Variants in ZNF155 observed in about 807,000 individuals in gnomAD.
The protein encoded by ZNF155 is KRAB A domain.
ZNF155 carries 15 observed loss-of-function variants against 11.9 expected under a neutral mutation model. That is an observed-to-expected ratio of 1.26 (90% CI 0.84 to 1.94). The LOEUF (loss-of-function observed/expected upper bound fraction) is 1.94. Among genes scored for constraint, ZNF155 ranks in the 30% most tolerant of loss-of-function variants. The pLI is 0.00. For missense variants in ZNF155, 602 were observed against 639.1 expected (o/e 0.94, Z 0.63); for synonymous variants, 212 against 219.9 (o/e 0.96, Z 0.32).
intron 2 of ZNF155, chr19:43,990,084 T>C (rs951357148): frequency 5.4e-5 from 83 of 1,523,936 alleles, no homozygotes; most frequent in Non-Finnish European, 7.2e-5. Flanking sequence ...AGAAGCAAAG[T>C]ACTTGTATTC....
rs1299666413 is a variant in ZNF155 at position 43,996,883 on chromosome 19, A to C, written c.1026A>C (p.Lys342Asn). Residue 342 changes from lysine (K) to asparagine (N), a missense_variant, in exon 5 of 5, where the codon AAA (lysine) becomes AAC (asparagine). Coordinates refer to ENST00000270014, the MANE Select transcript of ZNF155 (RefSeq NM_198089.3). ...NRHCMVHTGEKPYRCEQCGKG... is the reference protein window; with the variant it reads ...NRHCMVHTGENPYRCEQCGKG... ...ATTGCATGGTCCACACAGGAGAGAA[A>C]CCGTACAGATGTGAGCAGTGTGGAA... The C allele has an allele frequency of 6.2e-7, 1 of 1,614,158 alleles. No individual in the cohort carries two copies. Among genetic ancestry groups the C allele is most frequent in the South Asian group, 1.1e-5 (1 of 91,080 alleles).
intron 1 of ZNF155, 129 bp from the exon 2 acceptor site, chr19:43,988,330 A>T: frequency 2.4e-6 from 1 of 421,036 alleles, no homozygotes. Context: ...GTATGGATAC[A>T]CCACCATTTG....
At chr19:43,986,757 TATC>T (rs1460654411) in intron 1 of ZNF155, among the ~76,000 whole-genome samples, 1 of 152,198 alleles carries the variant, frequency 6.6e-6, no homozygotes, top group Non-Finnish European at 1.5e-5. Context: ...CCCCCATTGT[TATC>T]ATCCTTATGA....
In ZNF155 at chr19:43,996,993, A is replaced by G. The variant is rs2302411; in HGVS notation, c.1136A>G (p.Lys379Arg). 2,361 of 1,614,224 alleles carry G rather than the reference A, an allele frequency of 1.5e-3. 29 individuals carry two copies. The Admixed American group carries it at 0.027, about 19-fold the overall frequency. The change falls in exon 5 of 5, where the codon AAG becomes AGG. Residue 379 changes from lysine (K) to arginine (R), a missense_variant. Coordinates refer to ENST00000270014, the MANE Select transcript of ZNF155 (RefSeq NM_198089.3). ...CCATATAATTGTAAAGAATGTGGGA[A>G]GAGCTTCAGATGGTCCTCATGCCTT... ...EKPYNCKECG[K>R]SFRWSSCLLN...
intron 4 of ZNF155, among the ~76,000 whole-genome samples, chr19:43,994,345 T>A (rs1975761275): frequency 6.6e-6 from 1 of 152,230 alleles, no homozygotes; most frequent in Non-Finnish European, 1.5e-5. Flanking sequence ...TTACATATGC[T>A]GTGCAAAATT....
intron 4 of ZNF155, among the ~76,000 whole-genome samples, chr19:43,993,115 T>G (rs1302844369): frequency 6.6e-6 from 1 of 152,216 alleles, no homozygotes. Flanking sequence ...CCCAGCTTCC[T>G]CCTTCGTACT....
intron 2 of ZNF155, among the ~76,000 whole-genome samples, chr19:43,989,135 T>C (rs148418581): frequency 5.9e-5 from 9 of 152,358 alleles, no homozygotes; most frequent in South Asian, 2.1e-4. Context: ...TGTACCACAT[T>C]GGCTGTTTTG....
chr19:43,985,835 C>G (rs1183702401), intron 1 of ZNF155, among the ~76,000 whole-genome samples: 1 of 152,148 alleles, frequency 6.6e-6, no homozygotes, highest in African/African-American at 2.4e-5. Flanking sequence ...CCACCGCGCC[C>G]GGTCGCTCTT....
Position 43,991,826 on chromosome 19 carries a change from C to A in ZNF155, c.143-16C>A. 6 of 1,611,874 alleles carry A rather than the reference C, an allele frequency of 3.7e-6. No homozygotes were observed. The highest frequency in any genetic ancestry group is 5.1e-6 in the Non-Finnish European group (6 of 1,178,692). ...GAATGTGTTGGGATTCAGCACGTGA[C>A]CTTACCTATTCACAGGGCATCAACC... On this transcript the variant is annotated splice_polypyrimidine_tract_variant and intron_variant, in intron 3 of 4. Coordinates refer to ENST00000270014, the MANE Select transcript of ZNF155 (RefSeq NM_198089.3).
In ZNF155 at chr19:43,997,051, A is replaced by C. The variant is rs763565481; in HGVS notation, c.1194A>C (p.Lys398Asn). Residue 398 changes from lysine to asparagine, a missense_variant, in exon 5 of 5, where the codon AAA becomes AAC. Physicochemically the swap from Lys to Asn is moderately conservative, Grantham distance 94. Coordinates refer to ENST00000270014, the MANE Select transcript of ZNF155 (RefSeq NM_198089.3). ...ATCAGCGAGTCCACAGTGGAGAAAAAAGCTTCAAATGTGAAGAATGTGGAA... is the reference window on the plus strand; with the variant it reads ...ATCAGCGAGTCCACAGTGGAGAAAACAGCTTCAAATGTGAAGAATGTGGAA... ...LNHQRVHSGE[K>N]SFKCEECGKG... 1.4e-5 allele frequency: 23 copies of C among 1,613,900 alleles called. No individual in the cohort carries two copies. The highest frequency in any genetic ancestry group is 1.9e-5 in the Non-Finnish European group (22 of 1,179,828).
intron 2 of ZNF155, among the ~76,000 whole-genome samples, chr19:43,989,406 T>C (rs1313618035): frequency 7.0e-6 from 1 of 143,340 alleles, no homozygotes; most frequent in Non-Finnish European, 1.5e-5. Flanking sequence ...CTACATTTAC[T>C]CCTCAGCGCA....
At chr19:43,986,456 T>TG (rs1312500897) in intron 1 of ZNF155, among the ~76,000 whole-genome samples, 7 of 150,916 alleles carry the variant, frequency 4.6e-5, no homozygotes, top group African/African-American at 1.7e-4. Flanking sequence ...TGTGTTTTTT[T>TG]TTTTTTTTTT....
rs183233338 is a variant in ZNF155 at position 43,993,109 on chromosome 19, G to C, written c.235+1175G>C. Among the ~76,000 whole-genome samples, 27 of 152,330 alleles carry C rather than the reference G, an allele frequency of 1.8e-4. 1 individual carries two copies. Among genetic ancestry groups the C allele is most frequent in the Admixed American group, 2.6e-4 (4 of 15,306 alleles). ...GTCTATATACACTTCACTGGCCCCA[G>C]CTTCCTCCTTCGTACTAGAAGGGGG... On this transcript the variant is annotated intron_variant, in intron 4 of 4. Transcript: ENST00000270014.
chr19:43,988,516 C>T lies in ZNF155; in HGVS notation c.-28C>T. 6.2e-7 allele frequency: 1 copy of T among 1,606,640 alleles called. No individual in the cohort carries two copies. On this transcript the variant is annotated 5_prime_UTR_variant, in exon 2 of 5. Transcript: ENST00000270014. ...CATTCAAACTGCATCACCCAGGAGT[C>T]TGCAAATTCCCCAAAGTAGGAGGAA...
chr19:43,987,198 A>G (rs1006361736), intron 1 of ZNF155, among the ~76,000 whole-genome samples: 1 of 152,222 alleles, frequency 6.6e-6, no homozygotes, highest in Admixed American at 6.5e-5. Flanking sequence ...ATGTTATCTC[A>G]TATGTGGTTC....
chr19:43,985,225 T>C (rs1257190289), intron 1 of ZNF155, among the ~76,000 whole-genome samples: 2 of 151,870 alleles, frequency 1.3e-5, no homozygotes, highest in African/African-American at 4.8e-5. Flanking sequence ...CATGCCCGGC[T>C]AATTTTTGTA....
chr19:43,985,544 T>C (rs1482448372), intron 1 of ZNF155, among the ~76,000 whole-genome samples: 3 of 149,660 alleles, frequency 2.0e-5, no homozygotes, highest in South Asian at 4.2e-4. Flanking sequence ...TTTTTTTTTT[T>C]TTTTTTTTTT....
At chr19:43,992,986 A>G (rs1175950986) in intron 4 of ZNF155, among the ~76,000 whole-genome samples, 1 of 152,258 alleles carries the variant, frequency 6.6e-6, no homozygotes, top group Non-Finnish European at 1.5e-5. Flanking sequence ...CATAGGGAGC[A>G]TATTTATATC....
chr19:43,997,453 A>C lies in ZNF155; in HGVS notation c.1596A>C (p.Ser532=), dbSNP rs775373255. 2 of 1,597,544 alleles carry C rather than the reference A, an allele frequency of 1.3e-6. No individual in the cohort carries two copies. Among genetic ancestry groups the C allele is most frequent in the Non-Finnish European group, 1.7e-6 (2 of 1,175,622 alleles). The change falls in exon 5 of 5, where the codon TCA becomes TCC. Residue 532 remains serine (S), a synonymous_variant. Coordinates refer to ENST00000270014, the MANE Select transcript of ZNF155 (RefSeq NM_198089.3). ...KRRLNLDILL[S]LFLNDT The stretch of plus-strand genomic sequence containing the variant: ...GCTTGAATCTGGATATACTTTTATC[A>C]TTATTTCTAAATGACACATAATTGT...
Sources: allele counts gnomAD v4.1 joint callset (sites outside exome capture counted in the v4.1 genomes callset), GRCh38; gene constraint gnomAD v4.1.1; transcripts MANE v1.5; gene names NCBI Gene and HGNC (gene_info 2026-07-23, HGNC 2026-07-21).